The following BNC2 variants were observed in gnomAD, a reference collection of about 807,000 sequenced individuals.
The protein encoded by BNC2 is zinc finger protein basonuclin-2.
Under a neutral mutation model 76.3 loss-of-function variants are expected in BNC2, and 20 were observed. That is an observed-to-expected ratio of 0.26 (90% CI 0.18 to 0.38). The LOEUF (loss-of-function observed/expected upper bound fraction) is 0.38. Ranked by LOEUF, BNC2 falls within the 10% of genes least tolerant of loss-of-function variation. The probability of loss-of-function intolerance (pLI) is 1.00; values close to 1 mark genes in which losing one functional copy is unlikely to be tolerated. For missense variants in BNC2, 1,382 were observed against 1,399.8 expected (o/e 0.99, Z 0.20); for synonymous variants, 582 against 514.8 (o/e 1.13, Z -1.77).
chr9:16,657,095 T>C (rs967124720), intron 3 of BNC2, among the ~76,000 whole-genome samples: 1 of 152,052 alleles, frequency 6.6e-6, no homozygotes, highest in Non-Finnish European at 1.5e-5. Context: ...GAGAGCTCCA[T>C]ACAAATATGG....
chr9:16,732,834 C>T (rs1428680922), intron 2 of BNC2, among the ~76,000 whole-genome samples: 1 of 152,154 alleles, frequency 6.6e-6, no homozygotes, highest in Non-Finnish European at 1.5e-5. Context: ...ATCAGCACTT[C>T]CTTATGGCGA....
intron 1 of BNC2, among the ~76,000 whole-genome samples, chr9:16,751,185 C>G (rs1825181225): frequency 6.7e-6 from 1 of 148,570 alleles, no homozygotes; most frequent in African/African-American, 2.5e-5. Context: ...AAAAAAACTA[C>G]AAAACTGTGA....
intron 1 of BNC2, among the ~76,000 whole-genome samples, chr9:16,820,688 T>C (rs989844725): frequency 1.3e-4 from 20 of 151,912 alleles, no homozygotes; most frequent in African/African-American, 4.8e-4. Flanking sequence ...GTTACTACGG[T>C]CCTAGAGGAA....
intron 5 of BNC2, among the ~76,000 whole-genome samples, chr9:16,478,021 G>T (rs931241111): frequency 6.6e-6 from 1 of 152,110 alleles, no homozygotes. Flanking sequence ...CAGATGACAG[G>T]AGTAGTCAGG....
At chr9:16,788,336 G>A (rs78435404) in intron 1 of BNC2, among the ~76,000 whole-genome samples, 91,564 of 150,864 alleles carry the variant, frequency 0.61, 28,505 homozygotes, top group Non-Finnish European at 0.69. Context: ...GGCAGATCAT[G>A]AAGTCAGGAG....
intron 5 of BNC2, among the ~76,000 whole-genome samples, chr9:16,508,206 C>T (rs1039432242): frequency 2.0e-5 from 3 of 152,082 alleles, no homozygotes; most frequent in Non-Finnish European, 4.4e-5. Flanking sequence ...TGCTATAAAC[C>T]CTAAAAGGAG....
At position 16,417,144 on chromosome 9, in the gene BNC2, A is replaced by C. The variant is rs923958815; in HGVS notation, c.*1845T>G. Reference sequence around the variant, plus strand: ...CTTCTTTTCCCCTCCACTTAAAAAAAAAGGAAAAAAGAAAAAAAAAAGACA... The same window carrying C: ...CTTCTTTTCCCCTCCACTTAAAAAACAAGGAAAAAAGAAAAAAAAAAGACA... On this transcript the variant is annotated 3_prime_UTR_variant, in exon 7 of 7. Transcript: ENST00000380672. The C allele has an allele frequency of 6.7e-6, 1 of 148,966 alleles. No individual in the cohort carries two copies. The highest frequency in any genetic ancestry group is 2.6e-5 in the African/African-American group (1 of 38,862). The allele number at this position is 148,966 out of a possible 1,614,324, so 9.2% of individuals were successfully genotyped here. A position where few individuals can be genotyped will look rare whatever the true frequency, so the allele number is the denominator to read the frequency against.
At chr9:16,804,969 G>C (rs910580247) in intron 1 of BNC2, among the ~76,000 whole-genome samples, 1 of 152,050 alleles carries the variant, frequency 6.6e-6, no homozygotes, top group Non-Finnish European at 1.5e-5. Context: ...GGCTGAGGTG[G>C]GAGAATCTCT....
intron 1 of BNC2, among the ~76,000 whole-genome samples, chr9:16,780,063 C>T (rs943555055): frequency 7.6e-4 from 114 of 150,488 alleles, no homozygotes; most frequent in African/African-American, 2.5e-3. Flanking sequence ...GGTGAAACCC[C>T]ATCTCTACTA....
chr9:16,642,546 T>C (rs542534919), intron 3 of BNC2, among the ~76,000 whole-genome samples: 1 of 152,200 alleles, frequency 6.6e-6, no homozygotes, highest in Non-Finnish European at 1.5e-5. Context: ...TGTGCCTCAC[T>C]AAAATTTTTC....
In BNC2 at chr9:16,738,384, A is replaced by G. The variant is rs1824741322; in HGVS notation, c.105T>C (p.Cys35=). The change falls in exon 2 of 7, where the codon TGT becomes TGC. Residue 35 remains cysteine, a synonymous_variant. Transcript: ENST00000380672. ...DWPAYFKVPC[C]GVDTSQIESE... ...CCTCAATTTGAGATGTATCAACCCC[A>G]CAACATGGGACCTTGAAATATGCTG... 6 of 1,614,112 alleles carry G rather than the reference A, an allele frequency of 3.7e-6. No individual in the cohort carries two copies. Among genetic ancestry groups the G allele is most frequent in the Non-Finnish European group, 5.1e-6 (6 of 1,179,998 alleles).
intron 3 of BNC2, among the ~76,000 whole-genome samples, chr9:16,630,963 T>C (rs1462043802): frequency 6.6e-6 from 1 of 152,114 alleles, no homozygotes; most frequent in East Asian, 1.9e-4. Context: ...GGTCTCGAAC[T>C]CCTGATCTCA....
At chr9:16,582,301 G>A (rs1021501615) in intron 4 of BNC2, among the ~76,000 whole-genome samples, 19 of 151,862 alleles carry the variant, frequency 1.3e-4, no homozygotes, top group African/African-American at 4.4e-4. Context: ...CTGAACGCTC[G>A]GTCAGGGCAC....
At chr9:16,426,569 C>CTATG (rs1318127724) in intron 6 of BNC2, among the ~76,000 whole-genome samples, 3 of 152,270 alleles carry the variant, frequency 2.0e-5, no homozygotes, top group Admixed American at 2.0e-4. Flanking sequence ...TAGTATTTAG[C>CTATG]TATGGCTTTA....
chr9:16,761,869 G>A lies in BNC2; in HGVS notation c.4-23384C>T, dbSNP rs1333402078. 2.0e-5 allele frequency among the ~76,000 whole-genome samples: 3 copies of A among 152,264 alleles called. No individual in the cohort carries two copies. The South Asian group carries it at 6.2e-4, about 32-fold the overall frequency. ...TTAGTGCTCTGTAGCTGATGAAATT[G>A]AAAATGCTACCAAGTTACATGTAAA... On this transcript the variant is annotated intron_variant, in intron 1 of 6. Coordinates refer to ENST00000380672, the MANE Select transcript of BNC2 (RefSeq NM_017637.6).
intron 1 of BNC2, among the ~76,000 whole-genome samples, chr9:16,820,922 T>C (rs1395401290): frequency 2.0e-5 from 3 of 152,108 alleles, no homozygotes; most frequent in East Asian, 3.9e-4. Flanking sequence ...AGGATTCAAG[T>C]AGGCCAGGCG....
At chr9:16,794,534 GT>G (rs1335163044) in intron 1 of BNC2, among the ~76,000 whole-genome samples, 1 of 152,090 alleles carries the variant, frequency 6.6e-6, no homozygotes, top group Non-Finnish European at 1.5e-5. Context: ...TAAAAGGGCT[GT>G]TTTTTGTAAA....
intron 1 of BNC2, among the ~76,000 whole-genome samples, chr9:16,784,482 G>C (rs1356849011): frequency 6.6e-6 from 1 of 152,128 alleles, no homozygotes; most frequent in East Asian, 1.9e-4. Flanking sequence ...GGTATTCCTG[G>C]GAAACAATAT....
chr9:16,869,455 C>G (rs764277587), intron 1 of BNC2, among the ~76,000 whole-genome samples: 3 of 152,110 alleles, frequency 2.0e-5, no homozygotes, highest in Non-Finnish European at 2.9e-5. Flanking sequence ...ATTTGACAGT[C>G]CCATCTCCTA....
Sources: allele counts gnomAD v4.1 joint callset (sites outside exome capture counted in the v4.1 genomes callset), GRCh38; gene constraint gnomAD v4.1.1; transcripts MANE v1.5; gene names NCBI Gene and HGNC (gene_info 2026-07-23, HGNC 2026-07-21).